Variants in UTRN observed in about 807,000 individuals in gnomAD.
The protein encoded by UTRN is dystrophin-related protein 1.
UTRN carries 283 observed loss-of-function variants against 463.9 expected under a neutral mutation model. The observed-to-expected ratio is 0.61, with a 90% CI of 0.55 to 0.67. The LOEUF (loss-of-function observed/expected upper bound fraction) is 0.67, where lower values mean the gene tolerates loss of function less well. Ranked by LOEUF, UTRN falls within the 30% of genes least tolerant of loss-of-function variation. UTRN has a pLI of 0.00. For missense variants in UTRN, 3,922 were observed against 4,084.3 expected (o/e 0.96, Z 1.08); for synonymous variants, 1,442 against 1,431.5 (o/e 1.01, Z -0.17).
chr6:144,610,038 A>T (rs76877970), intron 51 of UTRN, among the ~76,000 whole-genome samples: 5,739 of 152,112 alleles, frequency 0.038, 376 homozygotes, highest in African/African-American at 0.13. Context: ...AAGAAGAACA[A>T]GCTAATCTGA....
intron 23 of UTRN, among the ~76,000 whole-genome samples, chr6:144,466,190 G>A (rs1287082981): frequency 6.6e-6 from 1 of 152,230 alleles, no homozygotes; most frequent in Non-Finnish European, 1.5e-5. Flanking sequence ...TCCAGATAGA[G>A]TTTGGAAGTG....
chr6:144,641,750 C>T (rs749207997), intron 51 of UTRN, among the ~76,000 whole-genome samples: 7 of 152,090 alleles, frequency 4.6e-5, no homozygotes, highest in Non-Finnish European at 7.4e-5. Context: ...GTTTCTCTTA[C>T]GTTTTTAGAA....
intron 33 of UTRN, among the ~76,000 whole-genome samples, chr6:144,496,215 CA>C (rs1793629709): frequency 6.6e-6 from 1 of 152,138 alleles, no homozygotes; most frequent in South Asian, 2.1e-4. Flanking sequence ...GATCCTCCTT[CA>C]GTTAGGAAAT....
At position 144,730,485 on chromosome 6, in the gene UTRN, A is replaced by G. The variant is rs1238849771; in HGVS notation, c.7938A>G (p.Thr2646=). The change falls in exon 54 of 75, where the codon ACA becomes ACG. Residue 2646 remains threonine (T), a splice_region_variant and synonymous_variant. Coordinates refer to ENST00000367545, the MANE Select transcript of UTRN (RefSeq NM_007124.3). Reference sequence around the variant, plus strand: ...CAAGAAGAAACCTACAATCAAAAACAGGTGAGACTGGTTTCTCCACTACAT... The same window carrying G: ...CAAGAAGAAACCTACAATCAAAAACGGGTGAGACTGGTTTCTCCACTACAT... ...EEPRRNLQSK[T]ELTPEERAQK... 3 of 1,606,830 alleles carry G rather than the reference A, an allele frequency of 1.9e-6. No individual in the cohort carries two copies. The highest frequency in any genetic ancestry group is 2.6e-6 in the Non-Finnish European group (3 of 1,176,202).
At chr6:144,740,419 G>C (rs1789920837) in intron 54 of UTRN, among the ~76,000 whole-genome samples, 1 of 152,084 alleles carries the variant, frequency 6.6e-6, no homozygotes, top group Admixed American at 6.6e-5. Flanking sequence ...CGAGGGAGAA[G>C]GTGTCTAGGC....
At chr6:144,442,551 C>T (rs576303428) in intron 13 of UTRN, among the ~76,000 whole-genome samples, 2 of 152,212 alleles carry the variant, frequency 1.3e-5, no homozygotes, top group East Asian at 1.9e-4. Context: ...GTTGGGGAGG[C>T]CTCACAATCA....
chr6:144,524,459 A>T (rs1012538020), intron 41 of UTRN, among the ~76,000 whole-genome samples: 2 of 151,968 alleles, frequency 1.3e-5, no homozygotes, highest in East Asian at 1.9e-4. Flanking sequence ...AAACTTTGCC[A>T]GTTTAATAGT....
At chr6:144,522,905 G>C in intron 40 of UTRN, 111 bp from the exon 41 acceptor site, 1 of 866,388 alleles carries the variant, frequency 1.2e-6, no homozygotes, top group South Asian at 2.4e-5. Context: ...CAATGATTAT[G>C]TCTCATTATT....
Position 144,320,712 on chromosome 6 carries a change from C to G in UTRN, c.79+28805C>G, listed in dbSNP as rs191504716. 5.3e-5 allele frequency among the ~76,000 whole-genome samples: 8 copies of G among 151,896 alleles called. No homozygotes were observed. The East Asian group carries it at 1.5e-3, about 29-fold the overall frequency. On this transcript the variant is annotated intron_variant, in intron 2 of 74. Coordinates refer to ENST00000367545, the MANE Select transcript of UTRN (RefSeq NM_007124.3). The stretch of plus-strand genomic sequence containing the variant: ...GAATTACAGAGGTAAAACCATTAAT[C>G]AAAAAAAACTAGTGCACCACTCACT...
intron 45 of UTRN, among the ~76,000 whole-genome samples, chr6:144,541,880 A>G (rs1056075942): frequency 6.6e-6 from 1 of 152,220 alleles, no homozygotes; most frequent in African/African-American, 2.4e-5. Context: ...AATGAGGGAA[A>G]GTGCAGTGTA....
At chr6:144,716,018 G>A (rs574235487) in intron 53 of UTRN, among the ~76,000 whole-genome samples, 42 of 152,086 alleles carry the variant, frequency 2.8e-4, no homozygotes, top group Middle Eastern at 3.4e-3. Flanking sequence ...ATCTTGTCTC[G>A]AGAGCTAGAA....
Position 144,485,472 on chromosome 6 carries a change from A to C in UTRN, c.3775A>C (p.Thr1259Pro). Residue 1259 changes from threonine (T) to proline (P), a missense_variant, in exon 28 of 75, where the codon ACA becomes CCA. By Grantham distance (38) the Thr-to-Pro change is conservative. Around this residue, in one of 3 missense-constraint regions of UTRN, gnomAD observed 2,349 missense variants for 2,303.8 expected, o/e 1.02. Transcript: ENST00000367545. Reference protein sequence around the residue: ...LNTLEERMKSTEVLPEKTDAV... With the variant: ...LNTLEERMKSPEVLPEKTDAV... ...CACTTTGGAAGAGCGGATGAAGAGCACAGAGGTCCTGCCTGAGAAGACGGA... is the reference window on the plus strand; with the variant it reads ...CACTTTGGAAGAGCGGATGAAGAGCCCAGAGGTCCTGCCTGAGAAGACGGA... 1 of 1,614,198 alleles carries C rather than the reference A, an allele frequency of 6.2e-7. No individual in the cohort carries two copies. Among genetic ancestry groups the C allele is most frequent in the Non-Finnish European group, 8.5e-7 (1 of 1,180,022 alleles).
intron 53 of UTRN, among the ~76,000 whole-genome samples, chr6:144,726,180 A>G (rs1787860402): frequency 2.0e-5 from 3 of 152,064 alleles, no homozygotes; most frequent in South Asian, 4.1e-4. Context: ...ATACCCCCCA[A>G]CTTGTCAGTG....
chr6:144,289,255 G>A (rs1203736090), intron 1 of UTRN, among the ~76,000 whole-genome samples: 1 of 152,118 alleles, frequency 6.6e-6, no homozygotes, highest in Admixed American at 6.5e-5. Context: ...AGCCAAAATT[G>A]GGGAGTCATT....
At position 144,797,914 on chromosome 6, in the gene UTRN, C is replaced by T. The variant is rs373514468; in HGVS notation, c.9169C>T (p.Arg3057Ter). 17 of 1,614,150 alleles carry T rather than the reference C, an allele frequency of 1.1e-5. No homozygotes were observed. The highest frequency in any genetic ancestry group is 1.4e-5 in the Non-Finnish European group (16 of 1,180,006). ...CATGGTTTGGCTCCCAGTTTTACAT[C>T]GAGTGGCAGCAGCGGAGACTGCAAA... is the stretch of plus-strand genomic sequence containing the variant. Reference protein sequence around the residue: ...QSMVWLPVLHRVAAAETAKHQ... With the variant: ...QSMVWLPVLH Residue 3057 changes from arginine to a stop codon, truncating the protein, a stop_gained, in exon 64 of 75, where the codon CGA becomes TGA. Coordinates refer to ENST00000367545, the MANE Select transcript of UTRN (RefSeq NM_007124.3). LOFTEE classifies it high-confidence loss of function.
intron 43 of UTRN, among the ~76,000 whole-genome samples, chr6:144,537,346 T>C (rs1357474181): frequency 6.6e-6 from 1 of 152,064 alleles, no homozygotes; most frequent in Non-Finnish European, 1.5e-5. Context: ...GAAGATAATA[T>C]TCTTTAGTTT....
At chr6:144,545,964 G>T (rs937136827) in intron 46 of UTRN, among the ~76,000 whole-genome samples, 1 of 152,170 alleles carries the variant, frequency 6.6e-6, no homozygotes, top group Admixed American at 6.5e-5. Context: ...AGGTTGCAGT[G>T]ACCCAAGACC....
intron 4 of UTRN, among the ~76,000 whole-genome samples, chr6:144,422,933 C>A (rs1056365851): frequency 2.6e-5 from 4 of 152,160 alleles, no homozygotes; most frequent in Admixed American, 1.3e-4. Flanking sequence ...AGGCTGATTC[C>A]TCTCTCAGAT....
In UTRN at chr6:144,338,336, TAA is replaced by T. The variant is rs112400780; in HGVS notation, c.79+46438_79+46439del. 4.7e-3 allele frequency among the ~76,000 whole-genome samples: 695 copies of T among 148,998 alleles called. 7 individuals are homozygous for T. Among genetic ancestry groups the T allele is most frequent in the African/African-American group, 0.016 (633 of 40,758 alleles). On this transcript the variant is annotated intron_variant, in intron 2 of 74. Transcript: ENST00000367545. ...ATTTCCTAGCTGGACACAAATGGGT[TAA>T]AAAAAAAACCCGACATGCTCTTTGA...
Sources: gnomAD v4.1 joint callset for allele counts (sites outside exome capture counted in the v4.1 genomes callset) on GRCh38, gnomAD v4.1.1 for gene constraint, gnomAD v4.1.1 regional missense constraint, MANE v1.5 for transcripts, NCBI Gene and HGNC (gene_info 2026-07-23, HGNC 2026-07-21) for gene names.